GPR176: variants seen among roughly 807,000 people sequenced by gnomAD.
GPR176 encodes G protein-coupled receptor 176.
GPR176 carries 26 observed loss-of-function variants against 35.4 expected under a neutral mutation model. That is an observed-to-expected ratio of 0.74 (90% confidence interval 0.54 to 1.02). The LOEUF (loss-of-function observed/expected upper bound fraction) is 1.02, where lower values mean the gene tolerates loss of function less well. Ranked by LOEUF, GPR176 falls within the 50% of genes least tolerant of loss-of-function variation. The pLI, the probability that GPR176 is intolerant of heterozygous loss-of-function variation, is 0.00. For missense variants in GPR176, 597 were observed against 665.3 expected, an observed-to-expected ratio of 0.90 and a Z score of 1.13; for synonymous variants, 278 against 271.3, an observed-to-expected ratio of 1.02 and a Z score of -0.24.
chr15:39,813,826 A>G (rs189533315), intron 1 of GPR176, among the ~76,000 whole-genome samples: 133 of 152,290 alleles, frequency 8.7e-4, no homozygotes, highest in Non-Finnish European at 1.4e-3. Context: ...ATTATTATAC[A>G]ATGCTGACAT....
At chr15:39,812,711 C>T (rs945324472) in intron 1 of GPR176, among the ~76,000 whole-genome samples, 12 of 151,296 alleles carry the variant, frequency 7.9e-5, no homozygotes, top group African/African-American at 2.7e-4. Context: ...CTGACTAATA[C>T]AAGTATATTC....
intron 1 of GPR176, among the ~76,000 whole-genome samples, chr15:39,834,318 T>A (rs916466619): frequency 2.0e-5 from 3 of 152,222 alleles, no homozygotes; most frequent in Non-Finnish European, 4.4e-5. Context: ...AGATTTATTA[T>A]GAGAAAGAAG....
intron 1 of GPR176, among the ~76,000 whole-genome samples, chr15:39,818,435 T>C (rs913454399): frequency 1.8e-4 from 28 of 152,158 alleles, no homozygotes; most frequent in African/African-American, 6.8e-4. Context: ...GAAATATATA[T>C]CCCCTATGGA....
chr15:39,875,290 C>T (rs1012351099), intron 1 of GPR176, among the ~76,000 whole-genome samples: 17 of 152,152 alleles, frequency 1.1e-4, no homozygotes, highest in African/African-American at 3.9e-4. Context: ...AAAAACCAAC[C>T]GTTTCTAAAA....
intron 1 of GPR176, among the ~76,000 whole-genome samples, chr15:39,883,947 A>G (rs2032577959): frequency 6.6e-6 from 1 of 152,258 alleles, no homozygotes; most frequent in South Asian, 2.1e-4. Flanking sequence ...TGTATTCAAG[A>G]AAGCCTGCTC....
chr15:39,807,457 A>C (rs1200096895), intron 1 of GPR176, 199 bp from the exon 2 acceptor site: 1 of 933,692 alleles, frequency 1.1e-6, no homozygotes, highest in Admixed American at 3.1e-5. Flanking sequence ...TCACATATCA[A>C]TAAGTCTAGA....
chr15:39,888,215 A>C (rs144642037), intron 1 of GPR176, among the ~76,000 whole-genome samples: 1 of 152,188 alleles, frequency 6.6e-6, no homozygotes, highest in African/African-American at 2.4e-5. Flanking sequence ...TATAACACAT[A>C]TGTGTTAACT....
rs551492474 is a variant in GPR176, at chr15:39,893,298, G to A, written c.172+26557C>T. ...TGGGTACTTGAGATTAGGGAGTGGT[G>A]ATGACTCTTAACGAGCATGCTGCCT... On this transcript the variant is annotated intron_variant, in intron 1 of 2. Transcript: ENST00000561100. Among the ~76,000 whole-genome samples the A allele has an allele frequency of 2.7e-4, 41 of 152,092 alleles. No individual in the cohort carries two copies. In the East Asian group the frequency reaches 7.5e-3, roughly 28 times the overall value.
intron 1 of GPR176, among the ~76,000 whole-genome samples, chr15:39,870,208 T>C (rs1282128644): frequency 3.3e-5 from 5 of 152,176 alleles, no homozygotes; most frequent in African/African-American, 1.2e-4. Context: ...CACAAGAACA[T>C]TTGTGATGAC....
chr15:39,804,841 G>A (rs1899094104), intron 2 of GPR176, among the ~76,000 whole-genome samples: 1 of 152,088 alleles, frequency 6.6e-6, no homozygotes, highest in Admixed American at 6.6e-5. Flanking sequence ...AGACACAAAA[G>A]AACACACACT....
intron 1 of GPR176, among the ~76,000 whole-genome samples, chr15:39,849,527 A>G (rs1237211872): frequency 2.0e-5 from 3 of 152,194 alleles, no homozygotes; most frequent in South Asian, 2.1e-4. Context: ...AGTCTTAACG[A>G]AAGATTAGCT....
intron 1 of GPR176, among the ~76,000 whole-genome samples, chr15:39,834,694 T>A (rs1901286052): frequency 6.6e-6 from 1 of 152,174 alleles, no homozygotes; most frequent in South Asian, 2.1e-4. Flanking sequence ...AAAACAAACT[T>A]CACATGTTCT....
intron 1 of GPR176, among the ~76,000 whole-genome samples, chr15:39,914,729 A>G (rs2033681897): frequency 6.6e-6 from 1 of 152,244 alleles, no homozygotes; most frequent in African/African-American, 2.4e-5. Context: ...TTGTTAACTA[A>G]AAATGATCCT....
chr15:39,814,740 T>C (rs1899786749), intron 1 of GPR176, among the ~76,000 whole-genome samples: 1 of 152,194 alleles, frequency 6.6e-6, no homozygotes, highest in Admixed American at 6.5e-5. Flanking sequence ...TGCACTTTTG[T>C]GAGCCAATAA....
At chr15:39,890,053 T>C (rs1045419128) in intron 1 of GPR176, among the ~76,000 whole-genome samples, 1 of 152,132 alleles carries the variant, frequency 6.6e-6, no homozygotes, top group South Asian at 2.1e-4. Flanking sequence ...TTCAAAATGA[T>C]GAAAATTTTG....
At chr15:39,857,189 AT>A (rs2031278575) in intron 1 of GPR176, among the ~76,000 whole-genome samples, 1 of 152,232 alleles carries the variant, frequency 6.6e-6, no homozygotes, top group African/African-American at 2.4e-5. Flanking sequence ...AGTGGACAAA[AT>A]CTTGATGAAT....
At chr15:39,811,820 G>A (rs973985675) in intron 1 of GPR176, among the ~76,000 whole-genome samples, 1 of 151,984 alleles carries the variant, frequency 6.6e-6, no homozygotes. Context: ...GCAGGCTGAG[G>A]CAGGAGAATG....
chr15:39,822,320 G>T (rs1900328633), intron 1 of GPR176, among the ~76,000 whole-genome samples: 1 of 152,196 alleles, frequency 6.6e-6, no homozygotes, highest in African/African-American at 2.4e-5. Context: ...TAGACACTTT[G>T]CATAGACTCT....
rs1285535380 is a variant in GPR176 at position 39,801,571 on chromosome 15, A to G, written c.1109T>C (p.Leu370Pro). ...CTGCTGCCCAATGTGGAACATCTCC[A>G]GGAGCTGGCTACCCGAGCGTATGCT... is the stretch of plus-strand genomic sequence containing the variant. ...EPSIRSGSQL[L>P]EMFHIGQQQI... Residue 370 changes from leucine (L) to proline (P), a missense_variant, in exon 3 of 3, where the codon CTG becomes CCG. Transcript: ENST00000561100. 47 of 1,614,104 alleles carry G rather than the reference A, an allele frequency of 2.9e-5. No individual in the cohort carries two copies. The highest frequency in any genetic ancestry group is 3.6e-5 in the Non-Finnish European group (43 of 1,179,946).
Sources: gnomAD v4.1 joint callset for allele counts (sites outside exome capture counted in the v4.1 genomes callset) on GRCh38, gnomAD v4.1.1 for gene constraint, MANE v1.5 for transcripts, NCBI Gene and HGNC (gene_info 2026-07-23, HGNC 2026-07-21) for gene names.